STK32B: variants seen among roughly 807,000 people sequenced by gnomAD.
The protein encoded by STK32B is serine/threonine-protein kinase 32B.
STK32B carries 43 observed loss-of-function variants against 52.6 expected under a neutral mutation model. The observed-to-expected ratio is 0.82, with a 90% CI of 0.64 to 1.05. The LOEUF is 1.05. Ranked by LOEUF, STK32B falls within the 50% of genes least tolerant of loss-of-function variation. The pLI is 0.00. For synonymous variants in STK32B, 238 were observed against 204.3 expected (o/e 1.17, Z -1.41); for missense variants, 621 against 534.6 (o/e 1.16, Z -1.59).
intron 3 of STK32B, among the ~76,000 whole-genome samples, chr4:5,228,705 C>G (rs534133632): frequency 5.3e-5 from 8 of 152,282 alleles, no homozygotes; most frequent in African/African-American, 1.4e-4. Context: ...CAGTGGCTCA[C>G]ACCTGTAATC....
At chr4:5,414,432 A>G (rs1711979837) in intron 5 of STK32B, among the ~76,000 whole-genome samples, 1 of 152,220 alleles carries the variant, frequency 6.6e-6, no homozygotes, top group African/African-American at 2.4e-5. Context: ...TAAAACTAAA[A>G]AAGAATGTTT....
rs148492893 is a variant in STK32B, at chr4:5,382,831, G to A, written c.435-15376G>A. Among the ~76,000 whole-genome samples, 56 of 152,272 alleles carry A rather than the reference G, an allele frequency of 3.7e-4. No individual in the cohort carries two copies. In the East Asian group the frequency reaches 0.01, roughly 28 times the overall value. ...CACAACAGCCGTTACAGACAGACAT[G>A]ATTAGCTCACTTTACAGATGAGGAA... On this transcript the variant is annotated intron_variant, in intron 4 of 11. Transcript: ENST00000282908.
intron 4 of STK32B, among the ~76,000 whole-genome samples, chr4:5,346,020 G>A (rs145667275): frequency 7.2e-5 from 11 of 152,278 alleles, no homozygotes; most frequent in East Asian, 5.8e-4. Context: ...TGAAATGCTT[G>A]TGGGTGTATG....
chr4:5,337,689 G>A (rs977017488), intron 4 of STK32B, among the ~76,000 whole-genome samples: 1 of 151,764 alleles, frequency 6.6e-6, no homozygotes, highest in African/African-American at 2.4e-5. Flanking sequence ...AGAATCTGAA[G>A]TTGAGTTACG....
At chr4:5,486,408 G>T (rs954314340) in intron 11 of STK32B, among the ~76,000 whole-genome samples, 8 of 152,220 alleles carry the variant, frequency 5.3e-5, no homozygotes, top group African/African-American at 1.9e-4. Context: ...GTAATTGCTG[G>T]TGTGCCGTTT....
At chr4:5,317,539 GTATATATA>G (rs373146893) in intron 3 of STK32B, among the ~76,000 whole-genome samples, 2 of 92,146 alleles carry the variant, frequency 2.2e-5, no homozygotes, top group Non-Finnish European at 3.6e-5. Flanking sequence ...TATATTACAT[GTATATATA>G]TATATATATA....
intron 3 of STK32B, among the ~76,000 whole-genome samples, chr4:5,272,279 T>C (rs1329852363): frequency 2.0e-5 from 3 of 148,368 alleles, no homozygotes; most frequent in Non-Finnish European, 4.4e-5. Flanking sequence ...GTTTTTGTCT[T>C]TGGCTCTGTT....
At chr4:5,299,987 A>T (rs1401565301) in intron 3 of STK32B, among the ~76,000 whole-genome samples, 1 of 151,972 alleles carries the variant, frequency 6.6e-6, no homozygotes, top group Non-Finnish European at 1.5e-5. Context: ...ATATAACAAA[A>T]AAAGGAAGCT....
rs146610308 is a variant in STK32B, at chr4:5,439,943, G to T, written c.563-6730G>T. Among the ~76,000 whole-genome samples the T allele has an allele frequency of 1.3e-3, 201 of 152,272 alleles. 1 individual carries two copies. Among genetic ancestry groups the T allele is most frequent in the African/African-American group, 4.5e-3 (188 of 41,560 alleles). On this transcript the variant is annotated intron_variant, in intron 6 of 11. Transcript: ENST00000282908. ...ATGCGGCATTATTTCTAAGGGCTCT[G>T]TTGTGTTCCATTGATCTATATCTCT...
At chr4:5,123,265 C>T (rs1052313375) in intron 1 of STK32B, among the ~76,000 whole-genome samples, 1 of 152,122 alleles carries the variant, frequency 6.6e-6, no homozygotes, top group Non-Finnish European at 1.5e-5. Context: ...TCTCAAGTTT[C>T]CCCCATTTCT....
At chr4:5,284,972 C>T (rs1728452336) in intron 3 of STK32B, among the ~76,000 whole-genome samples, 1 of 152,132 alleles carries the variant, frequency 6.6e-6, no homozygotes, top group African/African-American at 2.4e-5. Context: ...GATAATGTAC[C>T]ACAGCTGCAG....
intron 2 of STK32B, among the ~76,000 whole-genome samples, chr4:5,156,343 C>T (rs1455047675): frequency 3.3e-5 from 5 of 151,892 alleles, no homozygotes; most frequent in Admixed American, 1.3e-4. Flanking sequence ...TCAACAGATA[C>T]GATTTTGACA....
the STK32B span, among the ~76,000 whole-genome samples, chr4:5,030,083 T>C: frequency 9.9e-5 from 15 of 152,232 alleles, no homozygotes; most frequent in Non-Finnish European, 1.8e-4. Flanking sequence ...TTCCCAGCCA[T>C]GCTGAACTGT....
intron 3 of STK32B, among the ~76,000 whole-genome samples, chr4:5,253,028 G>A (rs1232547883): frequency 6.6e-6 from 1 of 151,996 alleles, no homozygotes; most frequent in East Asian, 1.9e-4. Context: ...CTTGCTCTTT[G>A]TGGCCCCAAA....
intron 1 of STK32B, 89 bp from the exon 2 acceptor site, chr4:5,139,816 A>C: frequency 6.8e-7 from 1 of 1,466,708 alleles, no homozygotes; most frequent in South Asian, 1.1e-5. Context: ...CCTTTGGAAT[A>C]GGTGGGTAGG....
chr4:5,374,787 G>T (rs1193296290), intron 4 of STK32B, among the ~76,000 whole-genome samples: 2 of 144,932 alleles, frequency 1.4e-5, no homozygotes, highest in Non-Finnish European at 3.0e-5. Context: ...GGCGGGGGGG[G>T]AACACCAACG....
intron 4 of STK32B, among the ~76,000 whole-genome samples, chr4:5,352,740 G>T (rs1344161338): frequency 6.9e-6 from 1 of 145,758 alleles, no homozygotes; most frequent in Non-Finnish European, 1.5e-5. Flanking sequence ...GATAAATCGA[G>T]TAAAGTGGCT....
At chr4:5,253,578 G>A (rs1011660706) in intron 3 of STK32B, among the ~76,000 whole-genome samples, 5 of 152,118 alleles carry the variant, frequency 3.3e-5, no homozygotes, top group African/African-American at 9.7e-5. Flanking sequence ...GTTTCACCAT[G>A]TTGGACAGGC....
At position 5,465,192 on chromosome 4, in the gene STK32B, A is replaced by G. The variant is rs1002330049; in HGVS notation, c.910-1511A>G. On this transcript the variant is annotated intron_variant, in intron 9 of 11. Transcript: ENST00000282908. ...TTAGCCCACGAATGACACAGTGACA[A>G]CAACTCGGTAACATTTATTGGGCAA... is the stretch of plus-strand genomic sequence containing the variant. Among the ~76,000 whole-genome samples, 5 of 152,188 alleles carry G rather than the reference A, an allele frequency of 3.3e-5. No homozygotes were observed. The South Asian group carries it at 1.0e-3, about 32-fold the overall frequency.
Sources: allele counts gnomAD v4.1 joint callset (sites outside exome capture counted in the v4.1 genomes callset), GRCh38; gene constraint gnomAD v4.1.1; transcripts MANE v1.5; gene names NCBI Gene and HGNC (gene_info 2026-07-23, HGNC 2026-07-21).